FRMD1: variants seen among roughly 807,000 people sequenced by gnomAD.
The protein encoded by FRMD1 is FERM domain-containing protein 1.
FRMD1 carries 51 observed loss-of-function variants against 54.9 expected under a neutral mutation model. The observed-to-expected ratio is 0.93, with a 90% confidence interval of 0.74 to 1.17. The LOEUF (loss-of-function observed/expected upper bound fraction) is 1.17. Ranked by LOEUF, FRMD1 falls within the 50% of genes most tolerant of loss-of-function variation. The pLI is 0.00. For synonymous variants in FRMD1, 324 were observed against 306.4 expected (o/e 1.06, Z -0.60); for missense variants, 729 against 743.0 (o/e 0.98, Z 0.22).
At chr6:168,083,310 A>G (rs1248811888), upstream of FRMD1, among the ~76,000 whole-genome samples, 2 of 152,230 alleles carry the variant, frequency 1.3e-5, no homozygotes, top group Admixed American at 1.3e-4. Flanking sequence ...TGTCTCAGAC[A>G]GGATGGGCGC....
chr6:168,092,517 C>G (rs1032289502), intron 1 of FRMD1, among the ~76,000 whole-genome samples: 4 of 150,914 alleles, frequency 2.7e-5, no homozygotes, highest in African/African-American at 9.8e-5. Flanking sequence ...GGAGGTGATA[C>G]AGTCATGGGG....
Position 168,059,328 on chromosome 6 carries a change from T to A in FRMD1, c.1343-140A>T, listed in dbSNP as rs980699061. Reference sequence around the variant, plus strand: ...GCTCACACCGCCCCCTTGCTCTCAGTGCGGTGACTGCTTTTGCTCCATTCC... The same window carrying A: ...GCTCACACCGCCCCCTTGCTCTCAGAGCGGTGACTGCTTTTGCTCCATTCC... On this transcript the variant is annotated intron_variant, in intron 9 of 10. Coordinates refer to ENST00000283309, the MANE Select transcript of FRMD1 (RefSeq NM_024919.6). The surrounding 1 kb of genome is among the most constrained non-coding windows in gnomAD (Gnocchi z 4.4). 7.5e-6 allele frequency: 5 copies of A among 667,776 alleles called. No homozygotes were observed. The South Asian group carries it at 9.4e-5, about 13-fold the overall frequency. 41.4% of individuals were successfully genotyped at this position (667,776 alleles called of 1,614,324 possible). A position where few individuals can be genotyped will look rare whatever the true frequency, so the allele number is the denominator to read the frequency against.
intron 4 of FRMD1, chr6:168,065,757 C>G (rs561710759): frequency 1.0e-6 from 1 of 991,560 alleles, no homozygotes; most frequent in African/African-American, 1.7e-5. Context: ...AACCCTCCCA[C>G]ACAACCACAC....
rs746437322 is a variant in FRMD1, at chr6:168,064,991, A to G, written c.528T>C (p.Ala176=). 2.5e-5 allele frequency: 40 copies of G among 1,611,956 alleles called. No individual in the cohort carries two copies. Among genetic ancestry groups the G allele is most frequent in the Non-Finnish European group, 3.2e-5 (38 of 1,179,874 alleles). The change falls in exon 5 of 11, where the codon GCT becomes GCC. Residue 176 remains alanine, a synonymous_variant. Coordinates refer to ENST00000283309, the MANE Select transcript of FRMD1 (RefSeq NM_024919.6). ...LKERVLRSQC[A]HREEAYFLLA... is the part of the protein sequence containing the mutation. ...GCAGGAAGTAGGCTTCCTCCCGGTG[A>G]GCGCACTGTGACCTCAGCACGCGCT...
At chr6:168,062,681 A>G (rs1252447991) in intron 7 of FRMD1, 2 of 1,550,672 alleles carry the variant, frequency 1.3e-6, no homozygotes, top group Non-Finnish European at 1.7e-6. Context: ...CAGAAATGCC[A>G]GCTTCCCAAC....
chr6:168,085,812 T>C (rs1042878201), upstream of FRMD1, among the ~76,000 whole-genome samples: 1 of 150,288 alleles, frequency 6.7e-6, no homozygotes, highest in Non-Finnish European at 1.5e-5. Flanking sequence ...CATGGCTCCC[T>C]ATCGCCCAGC....
chr6:168,087,714 A>G (rs1022008087), intron 1 of FRMD1, among the ~76,000 whole-genome samples: 2 of 152,120 alleles, frequency 1.3e-5, no homozygotes, highest in African/African-American at 4.8e-5. Flanking sequence ...CTCTCAGGCT[A>G]CTCTCTGGGG....
intron 1 of FRMD1, among the ~76,000 whole-genome samples, chr6:168,077,555 G>T (rs1242700988): frequency 6.6e-6 from 1 of 152,108 alleles, no homozygotes; most frequent in Non-Finnish European, 1.5e-5. Context: ...ACAGATGTGC[G>T]CACACCCCGA....
At chr6:168,074,535 T>C (rs1800471654) in intron 2 of FRMD1, among the ~76,000 whole-genome samples, 2 of 150,580 alleles carry the variant, frequency 1.3e-5, no homozygotes, top group South Asian at 4.2e-4. Flanking sequence ...TGTGTACATG[T>C]GAGTAGTGTG....
intron 2 of FRMD1, among the ~76,000 whole-genome samples, chr6:168,072,417 G>A (rs1459417140): frequency 6.6e-6 from 1 of 152,214 alleles, no homozygotes; most frequent in East Asian, 1.9e-4. Context: ...ACGTCTCCCA[G>A]AGGCCCTCTC....
intron 2 of FRMD1, among the ~76,000 whole-genome samples, chr6:168,068,751 C>T (rs1193219062): frequency 6.6e-6 from 1 of 152,218 alleles, no homozygotes; most frequent in African/African-American, 2.4e-5. Context: ...CCTGATAAGG[C>T]AGTACTCCCT....
intron 1 of FRMD1, among the ~76,000 whole-genome samples, chr6:168,089,810 G>A (rs886826950): frequency 6.6e-6 from 1 of 152,172 alleles, no homozygotes; most frequent in African/African-American, 2.4e-5. Context: ...TAAAATCAGC[G>A]GGAAGCCGGG....
In FRMD1 at chr6:168,056,963, T is replaced by G; in HGVS notation, c.*134A>C. On this transcript the variant is annotated 3_prime_UTR_variant, in exon 11 of 11. Coordinates refer to ENST00000283309, the MANE Select transcript of FRMD1 (RefSeq NM_024919.6). Reference sequence around the variant, plus strand: ...GAGCCAGCTCCACACCTCTTACAGGTGAACCTGTGGAGCGTGCTGGCTGCG... The same window carrying G: ...GAGCCAGCTCCACACCTCTTACAGGGGAACCTGTGGAGCGTGCTGGCTGCG... The G allele has an allele frequency of 9.1e-7, 1 of 1,101,212 alleles. No homozygotes were observed. The highest frequency in any genetic ancestry group is 1.6e-5 in the African/African-American group (1 of 61,750). 68.2% of individuals were successfully genotyped at this position (1,101,212 alleles called of 1,614,324 possible).
upstream of FRMD1, chr6:168,081,833 G>A (rs1800837480): frequency 5.8e-6 from 2 of 342,676 alleles, no homozygotes; most frequent in Non-Finnish European, 1.1e-5. Context: ...TGGTCGGATG[G>A]CAGTGATGGC....
intron 8 of FRMD1, 60 bp downstream of exon 8, chr6:168,061,747 C>A: frequency 6.8e-7 from 1 of 1,473,448 alleles, no homozygotes; most frequent in South Asian, 1.3e-5. Context: ...CCAGTGTGCC[C>A]AGCCTAGCCC....
rs1416964685 is a variant in FRMD1, at chr6:168,090,833, G to A, written c.-12+10592C>T. Among the ~76,000 whole-genome samples, 7 of 152,320 alleles carry A rather than the reference G, an allele frequency of 4.6e-5. No individual in the cohort carries two copies. The South Asian group carries it at 6.2e-4, about 14-fold the overall frequency. ...CGGTGCTTCCATGTGATTCTCAGCC[G>A]CCCTCTTGGGGGCTACTCTGTCCAT... On this transcript the variant is annotated intron_variant, in intron 1 of 12. Transcript: ENST00000644440.
Position 168,063,605 on chromosome 6 carries a change from T to C in FRMD1, c.800A>G (p.His267Arg). The change falls in exon 6 of 11, where the codon CAC (histidine) becomes CGC (arginine). Residue 267 changes from histidine (H) to arginine (R), a missense_variant. By Grantham distance (29) the His-to-Arg change is conservative. Coordinates refer to ENST00000283309, the MANE Select transcript of FRMD1 (RefSeq NM_024919.6). The part of the protein sequence containing the change: ...EDVPVHFFRL[H>R]KDKKEGRPTV... ...GCTGGCCGCCCTGGGCTCGACCTTGTGCAGCCTGAAGAAGTGCACGGGCAC... is the reference window on the plus strand; with the variant it reads ...GCTGGCCGCCCTGGGCTCGACCTTGCGCAGCCTGAAGAAGTGCACGGGCAC... 6.2e-7 allele frequency: 1 copy of C among 1,610,986 alleles called. No homozygotes were observed. Among genetic ancestry groups the C allele is most frequent in the East Asian group, 2.2e-5 (1 of 44,848 alleles).
intron 10 of FRMD1, among the ~76,000 whole-genome samples, chr6:168,058,609 G>A (rs1799544684): frequency 1.3e-5 from 2 of 152,286 alleles, no homozygotes; most frequent in East Asian, 1.9e-4. Context: ...GGAACCCTGA[G>A]CCCACCTGTT....
chr6:168,066,673 T>C (rs959240607), intron 4 of FRMD1, 82 bp downstream of exon 4: 12 of 1,496,212 alleles, frequency 8.0e-6, no homozygotes, highest in African/African-American at 2.8e-5. Context: ...AAATGTAATG[T>C]GTGGCCTTCA....
Sources: gnomAD v4.1 joint callset for allele counts (sites outside exome capture counted in the v4.1 genomes callset) on GRCh38, gnomAD v4.1.1 for gene constraint, Gnocchi (gnomAD v3.1) non-coding constraint, MANE v1.5 for transcripts, NCBI Gene and HGNC (gene_info 2026-07-23, HGNC 2026-07-21) for gene names.